The following RIMBP2 variants were observed in gnomAD, a reference collection of about 807,000 sequenced individuals.
RIMBP2 encodes RIMS-binding protein 2.
A neutral mutation model predicts 118.6 loss-of-function variants in RIMBP2; 48 were observed. The observed-to-expected ratio is 0.40, with a 90% CI of 0.32 to 0.51. The LOEUF is 0.51. RIMBP2 is among the 20% of genes least tolerant of loss of function. The pLI is 0.41. For missense variants in RIMBP2, 1,551 were observed against 1,768.3 expected, an observed-to-expected ratio of 0.88 and a Z score of 2.20; for synonymous variants, 762 against 742.9, an observed-to-expected ratio of 1.03 and a Z score of -0.42.
At chr12:130,462,165 C>A (rs142601313) in intron 6 of RIMBP2, among the ~76,000 whole-genome samples, 1 of 152,174 alleles carries the variant, frequency 6.6e-6, no homozygotes, top group African/African-American at 2.4e-5. Context: ...CCTGTAGATG[C>A]CCCCGGCTGT....
chr12:130,526,232 T>C (rs1410362862), intron 2 of RIMBP2, among the ~76,000 whole-genome samples: 2 of 152,164 alleles, frequency 1.3e-5, no homozygotes, highest in South Asian at 2.1e-4. Context: ...GGAACAATTT[T>C]GTACCCTATT....
At chr12:130,590,627 A>C (rs1190026104) in intron 2 of RIMBP2, among the ~76,000 whole-genome samples, 1 of 152,198 alleles carries the variant, frequency 6.6e-6, no homozygotes, top group Non-Finnish European at 1.5e-5. Context: ...TTACATCTGC[A>C]CTAGGTGGCA....
chr12:130,706,213 C>G (rs938560433), intron 1 of RIMBP2, among the ~76,000 whole-genome samples: 3 of 152,286 alleles, frequency 2.0e-5, no homozygotes, highest in Middle Eastern at 3.4e-3. Flanking sequence ...CCCCTTCTGC[C>G]GTCCCCATCT....
intron 2 of RIMBP2, among the ~76,000 whole-genome samples, chr12:130,536,756 C>T (rs542869774): frequency 6.6e-6 from 1 of 152,322 alleles, no homozygotes; most frequent in East Asian, 1.9e-4. Context: ...GTGGGCTGGA[C>T]TTGGTGACTT....
At chr12:130,539,090 A>C (rs1480459098) in intron 2 of RIMBP2, among the ~76,000 whole-genome samples, 2 of 152,136 alleles carry the variant, frequency 1.3e-5, no homozygotes, top group Non-Finnish European at 2.9e-5. Context: ...CTTTTAAATA[A>C]AGTTTTATTG....
intron 2 of RIMBP2, among the ~76,000 whole-genome samples, chr12:130,568,008 C>T (rs1275444433): frequency 3.3e-5 from 5 of 152,126 alleles, no homozygotes; most frequent in Admixed American, 1.3e-4. Context: ...AAAAAAGGCC[C>T]GTGGTCCCAG....
chr12:130,551,715 G>A (rs893633625), intron 2 of RIMBP2, among the ~76,000 whole-genome samples: 7 of 152,142 alleles, frequency 4.6e-5, no homozygotes, highest in African/African-American at 1.7e-4. Flanking sequence ...AGGAACCCAA[G>A]GAAAGAGAAG....
At position 130,446,022 on chromosome 12, in the gene RIMBP2, C is replaced by CCT. The variant is rs1457350877; in HGVS notation, c.582-754_582-753insAG. The stretch of plus-strand genomic sequence containing the variant: ...AAACAGACGCATGATTTTATGCTCC[C>CCT]CCCCCCCACACCCCCAGGAATATAA... On this transcript the variant is annotated intron_variant, in intron 9 of 22. Coordinates refer to ENST00000690449, the MANE Select transcript of RIMBP2 (RefSeq NM_001393629.1). This position sits in a 1 kb window ranked among gnomAD's most constrained non-coding sequence, Gnocchi z 4.1. Among the ~76,000 whole-genome samples the CCT allele has an allele frequency of 2.2e-4, 23 of 104,460 alleles. No homozygotes were observed. The highest frequency in any genetic ancestry group is 3.6e-4 in the Admixed American group (4 of 10,992). The allele number at this position is 104,460 out of a possible 152,430, so 68.5% of individuals were successfully genotyped here.
At chr12:130,601,066 C>T (rs1017868823) in intron 2 of RIMBP2, among the ~76,000 whole-genome samples, 11 of 152,144 alleles carry the variant, frequency 7.2e-5, no homozygotes, top group East Asian at 3.9e-4. Context: ...TGCAAGTCCA[C>T]GCTCAACTCA....
rs1251388795 is a variant in RIMBP2, at chr12:130,578,593, CCCTCTG to C, written c.-217+49723_-217+49728del. On this transcript the variant is annotated intron_variant, in intron 2 of 22. Coordinates refer to ENST00000690449, the MANE Select transcript of RIMBP2 (RefSeq NM_001393629.1). This position sits in a 1 kb window ranked among gnomAD's most constrained non-coding sequence, Gnocchi z 4.1. The stretch of plus-strand genomic sequence containing the variant: ...GCCTTGGGGCCTGTGCACTGTGGGC[CCCTCTG>C]CCTGAACAGGCTTCCCTTGGATCTT... 1.3e-5 allele frequency among the ~76,000 whole-genome samples: 2 copies of C among 152,158 alleles called. No individual in the cohort carries two copies. Among genetic ancestry groups the C allele is most frequent in the African/African-American group, 4.8e-5 (2 of 41,440 alleles).
rs569333631 is a variant in RIMBP2, at chr12:130,622,885, T to C, written c.-217+5437A>G. ...ATGTAACCTCTGTTCCCAGAGCTCATGGCATCGAGTAAACAGTTCTTGCCT... is the reference window on the plus strand; with the variant it reads ...ATGTAACCTCTGTTCCCAGAGCTCACGGCATCGAGTAAACAGTTCTTGCCT... On this transcript the variant is annotated intron_variant, in intron 2 of 22. Coordinates refer to ENST00000690449, the MANE Select transcript of RIMBP2 (RefSeq NM_001393629.1). This position sits in a 1 kb window ranked among gnomAD's most constrained non-coding sequence, Gnocchi z 8.5. 6.6e-6 allele frequency among the ~76,000 whole-genome samples: 1 copy of C among 152,204 alleles called. No individual in the cohort carries two copies. The highest frequency in any genetic ancestry group is 2.4e-5 in the African/African-American group (1 of 41,454).
chr12:130,406,295 G>T (rs758394886), intron 20 of RIMBP2, 52 bp from the exon 21 acceptor site: 8 of 1,260,352 alleles, frequency 6.3e-6, no homozygotes, highest in Non-Finnish European at 9.1e-6. Context: ...AACAGTAGTA[G>T]TTTTTTAAAA....
intron 1 of RIMBP2, among the ~76,000 whole-genome samples, chr12:130,630,344 A>AT: frequency 6.6e-6 from 1 of 151,738 alleles, no homozygotes; most frequent in African/African-American, 2.4e-5. Flanking sequence ...AATATAAAAA[A>AT]TATAAAAAGC....
At chr12:130,559,520 C>T (rs1308755169) in intron 2 of RIMBP2, among the ~76,000 whole-genome samples, 1 of 152,168 alleles carries the variant, frequency 6.6e-6, no homozygotes. Context: ...CTGAATAGTA[C>T]TCCGCTGTGT....
intron 2 of RIMBP2, among the ~76,000 whole-genome samples, chr12:130,585,737 G>T (rs1298274578): frequency 6.6e-6 from 1 of 152,140 alleles, no homozygotes; most frequent in African/African-American, 2.4e-5. Context: ...AATTCAGTGG[G>T]CACTGAATCC....
At chr12:130,682,215 C>T (rs1036667279) in intron 1 of RIMBP2, among the ~76,000 whole-genome samples, 1 of 152,218 alleles carries the variant, frequency 6.6e-6, no homozygotes, top group Non-Finnish European at 1.5e-5. Flanking sequence ...CTCCCTTCCC[C>T]CACTGCCAAG....
intron 4 of RIMBP2, among the ~76,000 whole-genome samples, chr12:130,491,711 A>T: frequency 6.6e-6 from 1 of 152,144 alleles, no homozygotes; most frequent in East Asian, 1.9e-4. Flanking sequence ...CCACACCCTG[A>T]CACCGGGCTT....
intron 15 of RIMBP2, 186 bp downstream of exon 15, chr12:130,427,993 C>A: frequency 1.8e-6 from 1 of 557,716 alleles, no homozygotes; most frequent in South Asian, 3.2e-5. Context: ...TGGCCAAGAG[C>A]AAGACAGGAG....
At position 130,621,666 on chromosome 12, in the gene RIMBP2, G is replaced by C. The variant is rs565585034; in HGVS notation, c.-217+6656C>G. Reference sequence around the variant, plus strand: ...TTATGTGTCCTGCAGAACAAAAGGAGCAAGTAAATGACATCCCAGGGCCCG... The same window carrying C: ...TTATGTGTCCTGCAGAACAAAAGGACCAAGTAAATGACATCCCAGGGCCCG... On this transcript the variant is annotated intron_variant, in intron 2 of 22. Coordinates refer to ENST00000690449, the MANE Select transcript of RIMBP2 (RefSeq NM_001393629.1). The surrounding 1 kb of genome is among the most constrained non-coding windows in gnomAD (Gnocchi z 6.6). 7.2e-5 allele frequency among the ~76,000 whole-genome samples: 11 copies of C among 152,332 alleles called. No individual in the cohort carries two copies. The highest frequency in any genetic ancestry group is 2.2e-4 in the African/African-American group (9 of 41,572).
Sources: gnomAD v4.1 joint callset for allele counts (sites outside exome capture counted in the v4.1 genomes callset) on GRCh38, gnomAD v4.1.1 for gene constraint, Gnocchi (gnomAD v3.1) non-coding constraint, MANE v1.5 for transcripts, NCBI Gene and HGNC (gene_info 2026-07-23, HGNC 2026-07-21) for gene names.